GALNT13: variants seen among roughly 807,000 people sequenced by gnomAD.
GALNT13 encodes polypeptide N-acetylgalactosaminyltransferase 13.
In GALNT13, 28 loss-of-function variants were observed where a neutral mutation model predicts 64.2. The ratio of observed to expected loss-of-function variants is 0.44; its 90% CI spans 0.32 to 0.60. GALNT13 has a LOEUF of 0.60. Ranked by LOEUF, GALNT13 falls within the 20% of genes least tolerant of loss-of-function variation. The pLI is 0.05. For synonymous variants in GALNT13, 214 were observed against 224.6 expected (o/e 0.95, Z 0.42); for missense variants, 577 against 669.8 (o/e 0.86, Z 1.53).
the GALNT13 span, among the ~76,000 whole-genome samples, chr2:153,856,815 G>T: frequency 1.2e-4 from 18 of 152,020 alleles, no homozygotes; most frequent in Non-Finnish European, 4.4e-5. Context: ...ACAAGTATAA[G>T]AATTTTTATA....
the GALNT13 span, among the ~76,000 whole-genome samples, chr2:153,293,710 A>G: frequency 2.0e-5 from 3 of 152,106 alleles, no homozygotes; most frequent in African/African-American, 7.2e-5. Context: ...AGAGTTAATC[A>G]TATTGAGGGA....
chr2:153,210,362 G>A, the GALNT13 span, among the ~76,000 whole-genome samples: 3 of 152,124 alleles, frequency 2.0e-5, no homozygotes, highest in African/African-American at 7.2e-5. Context: ...ATGAATAGGT[G>A]TTAAATTTGG....
chr2:153,434,813 T>G, the GALNT13 span, among the ~76,000 whole-genome samples: 6 of 152,202 alleles, frequency 3.9e-5, no homozygotes, highest in Non-Finnish European at 8.8e-5. Flanking sequence ...TCTTTTGCTG[T>G]GCAGAAGCTC....
At chr2:154,051,806 A>G (rs1234056203) in intron 3 of GALNT13, among the ~76,000 whole-genome samples, 1 of 152,194 alleles carries the variant, frequency 6.6e-6, no homozygotes. Flanking sequence ...CATGTGAGCT[A>G]TATGTTCTAA....
At chr2:153,665,019 A>C in the GALNT13 span, among the ~76,000 whole-genome samples, 1 of 152,230 alleles carries the variant, frequency 6.6e-6, no homozygotes, top group Non-Finnish European at 1.5e-5. Context: ...AGAGTATGGC[A>C]GTCAAACTCA....
chr2:153,601,750 A>G, the GALNT13 span, among the ~76,000 whole-genome samples: 5 of 151,868 alleles, frequency 3.3e-5, no homozygotes, highest in Non-Finnish European at 7.4e-5. Flanking sequence ...TTAGTCTCAC[A>G]TGGACACACA....
chr2:153,193,193 C>A, the GALNT13 span, among the ~76,000 whole-genome samples: 1 of 151,712 alleles, frequency 6.6e-6, no homozygotes, highest in South Asian at 2.1e-4. Flanking sequence ...AGACTTGGAA[C>A]CAACCCAAAT....
the GALNT13 span, among the ~76,000 whole-genome samples, chr2:153,176,308 AT>A: frequency 6.6e-6 from 1 of 152,160 alleles, no homozygotes; most frequent in African/African-American, 2.4e-5. Flanking sequence ...GAGGTTTCCA[AT>A]GTACGTATAT....
the GALNT13 span, among the ~76,000 whole-genome samples, chr2:153,332,083 T>C: frequency 6.6e-6 from 1 of 152,200 alleles, no homozygotes; most frequent in South Asian, 2.1e-4. Flanking sequence ...TGTTTTTTTC[T>C]TGTTAATCTT....
intron 2 of GALNT13, among the ~76,000 whole-genome samples, chr2:153,921,658 G>T (rs1486689716): frequency 2.0e-5 from 3 of 152,064 alleles, no homozygotes; most frequent in African/African-American, 7.2e-5. Context: ...AAGAGTTTAT[G>T]TAAGAGTAAG....
At chr2:154,173,154 A>G (rs1685457003) in intron 4 of GALNT13, among the ~76,000 whole-genome samples, 1 of 151,964 alleles carries the variant, frequency 6.6e-6, no homozygotes. Flanking sequence ...AACAGAATAG[A>G]AGACCCAGAT....
At chr2:154,070,943 A>C (rs893056934) in intron 3 of GALNT13, among the ~76,000 whole-genome samples, 1 of 151,910 alleles carries the variant, frequency 6.6e-6, no homozygotes, top group Non-Finnish European at 1.5e-5. Flanking sequence ...AAAAAGGAAA[A>C]AGAAAAGTTG....
At chr2:153,762,846 A>G in the GALNT13 span, among the ~76,000 whole-genome samples, 3 of 150,906 alleles carry the variant, frequency 2.0e-5, no homozygotes, top group African/African-American at 7.3e-5. Flanking sequence ...TGCCATCATC[A>G]TTTGTGACTT....
At chr2:154,250,832 C>A (rs745564203) in intron 7 of GALNT13, among the ~76,000 whole-genome samples, 2 of 151,928 alleles carry the variant, frequency 1.3e-5, no homozygotes, top group Non-Finnish European at 2.9e-5. Context: ...ATCACCAAAG[C>A]CTTTAAAACA....
At chr2:153,841,272 C>A in the GALNT13 span, among the ~76,000 whole-genome samples, 2 of 152,014 alleles carry the variant, frequency 1.3e-5, no homozygotes, top group African/African-American at 2.4e-5. Context: ...TAAAAAATTA[C>A]CACCTTTAAA....
rs549996495 is a variant in GALNT13, at chr2:153,910,899, T to C, written c.-105+9892T>C. 2.6e-4 allele frequency among the ~76,000 whole-genome samples: 40 copies of C among 152,316 alleles called. No individual in the cohort carries two copies. In the South Asian group the frequency reaches 7.2e-3, roughly 28 times the overall value. On this transcript the variant is annotated intron_variant, in intron 2 of 12. Transcript: ENST00000392825. ...GGCAATGAGAATAATGTATATTCTG[T>C]TGTTTTTGGATGGAGAGTCCTATAG...
the GALNT13 span, among the ~76,000 whole-genome samples, chr2:153,235,183 G>A: frequency 1.3e-5 from 2 of 152,186 alleles, no homozygotes; most frequent in African/African-American, 2.4e-5. Flanking sequence ...CCTATTCTGA[G>A]ACATAACAAT....
the GALNT13 span, among the ~76,000 whole-genome samples, chr2:153,335,823 G>T: frequency 6.6e-6 from 1 of 152,294 alleles, no homozygotes; most frequent in Admixed American, 6.5e-5. Flanking sequence ...GAACTTCACA[G>T]CAGCCCCTCC....
chr2:154,131,413 C>A (rs1402102721), intron 3 of GALNT13, among the ~76,000 whole-genome samples: 1 of 152,130 alleles, frequency 6.6e-6, no homozygotes, highest in Non-Finnish European at 1.5e-5. Flanking sequence ...TTTTCCTTTT[C>A]TGTAAATTGT....
Sources: allele counts gnomAD v4.1 joint callset (sites outside exome capture counted in the v4.1 genomes callset), GRCh38; gene constraint gnomAD v4.1.1; transcripts MANE v1.5; gene names NCBI Gene and HGNC (gene_info 2026-07-23, HGNC 2026-07-21).